The following KAZN variants were observed in gnomAD, a reference collection of about 807,000 sequenced individuals.
KAZN encodes kazrin.
Under a neutral mutation model 87.4 loss-of-function variants are expected in KAZN, and 40 were observed. The ratio of observed to expected loss-of-function variants is 0.46; its 90% confidence interval spans 0.36 to 0.60. The LOEUF is 0.60. Ranked by LOEUF, KAZN falls within the 20% of genes least tolerant of loss-of-function variation. The pLI is 0.00. For synonymous variants in KAZN, 466 were observed against 458.3 expected (o/e 1.02, Z -0.22); for missense variants, 898 against 1,073.9 (o/e 0.84, Z 2.29).
chr1:15,090,292 C>T (rs1470548989), intron 8 of KAZN, among the ~76,000 whole-genome samples: 1 of 152,194 alleles, frequency 6.6e-6, no homozygotes, highest in African/African-American at 2.4e-5. Context: ...AAGCACATAA[C>T]AGAGGTGAGA....
chr1:14,738,894 C>A (rs1472565526), intron 1 of KAZN, among the ~76,000 whole-genome samples: 2 of 152,152 alleles, frequency 1.3e-5, no homozygotes, highest in African/African-American at 4.8e-5. Context: ...CCCGTCTGGT[C>A]AAGTGCAATG....
At chr1:14,454,627 T>A (rs1157695121) in intron 2 of KAZN, among the ~76,000 whole-genome samples, 2 of 152,214 alleles carry the variant, frequency 1.3e-5, no homozygotes, top group Non-Finnish European at 2.9e-5. Flanking sequence ...CAGGAAATGT[T>A]ACTTGGCTGA....
intron 1 of KAZN, among the ~76,000 whole-genome samples, chr1:14,736,335 G>T (rs1311049824): frequency 7.1e-6 from 1 of 140,526 alleles, no homozygotes; most frequent in Non-Finnish European, 1.5e-5. Flanking sequence ...TTTTGCTCTT[G>T]TTGCCCAGGC....
chr1:14,046,046 A>G (rs1642055563), intron 1 of KAZN, among the ~76,000 whole-genome samples: 1 of 152,222 alleles, frequency 6.6e-6, no homozygotes, highest in Admixed American at 6.5e-5. Flanking sequence ...TCCTGCTTCT[A>G]GAGGAGCACT....
rs540228770 is a variant in KAZN at position 14,579,608 on chromosome 1, C to G, written c.250-19375C>G. Among the ~76,000 whole-genome samples, 257 of 148,136 alleles carry G rather than the reference C, an allele frequency of 1.7e-3. 1 individual carries two copies. Among genetic ancestry groups the G allele is most frequent in the African/African-American group, 6.2e-3 (248 of 40,048 alleles). ...CCACTGCACTGCAGCCTGGGCAACA[C>G]AGCGAGACTCCGTCTCAAAAAAAAA... is the stretch of plus-strand genomic sequence containing the variant. On this transcript the variant is annotated intron_variant, in intron 2 of 16. Coordinates refer to the KAZN transcript ENST00000636203.
intron 2 of KAZN, among the ~76,000 whole-genome samples, chr1:14,335,850 C>T (rs998350939): frequency 6.6e-6 from 1 of 152,304 alleles, no homozygotes; most frequent in East Asian, 1.9e-4. Flanking sequence ...GAAGCTCTCA[C>T]TTCTGTTTTG....
At chr1:14,221,011 C>T (rs369621351) in intron 2 of KAZN, among the ~76,000 whole-genome samples, 17 of 152,104 alleles carry the variant, frequency 1.1e-4, no homozygotes, top group African/African-American at 3.4e-4. Flanking sequence ...GACTTTGATG[C>T]GGGATGCTGG....
At position 14,825,020 on chromosome 1, in the gene KAZN, G is replaced by A. The variant is rs752038181; in HGVS notation, c.227-135664G>A. On this transcript the variant is annotated intron_variant, in intron 1 of 14. Transcript: ENST00000376030. ...TGAGCCCCAAATGCTGTTCCACAGC[G>A]AGGTGTGCTCACAGCGCATCCCCCT... Among the ~76,000 whole-genome samples the A allele has an allele frequency of 4.7e-4, 71 of 152,254 alleles. 1 individual carries two copies. Among genetic ancestry groups the A allele is most frequent in the Admixed American group, 5.9e-4 (9 of 15,290 alleles).
rs763231579 is a variant in KAZN, at chr1:14,258,637, T to C, written c.249+78045T>C. Among the ~76,000 whole-genome samples the C allele has an allele frequency of 2.0e-5, 3 of 152,324 alleles. No individual in the cohort carries two copies. The South Asian group carries it at 6.2e-4, about 32-fold the overall frequency. The stretch of plus-strand genomic sequence containing the variant: ...AACCAAATGCATTGGCGAGTTAAGC[T>C]GCTTTGCTTCAGAATATTAAATTCA... On this transcript the variant is annotated intron_variant, in intron 2 of 16. Coordinates refer to the KAZN transcript ENST00000636203.
At chr1:14,192,710 A>G (rs982219140) in intron 2 of KAZN, among the ~76,000 whole-genome samples, 1 of 152,174 alleles carries the variant, frequency 6.6e-6, no homozygotes, top group African/African-American at 2.4e-5. Context: ...ACCTCTACAA[A>G]ACACAGTTAT....
chr1:14,797,205 C>G (rs572593530), intron 1 of KAZN, among the ~76,000 whole-genome samples: 1 of 152,042 alleles, frequency 6.6e-6, no homozygotes, highest in Non-Finnish European at 1.5e-5. Flanking sequence ...GGCTTACAGG[C>G]GTGCACCACC....
intron 1 of KAZN, among the ~76,000 whole-genome samples, chr1:13,914,747 T>C (rs1036373738): frequency 3.3e-5 from 5 of 152,040 alleles, no homozygotes; most frequent in Admixed American, 6.5e-5. Flanking sequence ...GAAGGCCAAA[T>C]TGGGAGGATC....
At position 15,066,452 on chromosome 1, in the gene KAZN, C is replaced by A. The variant is rs898533810; in HGVS notation, c.1222+699C>A. The stretch of plus-strand genomic sequence containing the variant: ...GTAAGCTCTGCTCTCTACAAAGACT[C>A]GCGAGCCGGGCCAAGGGGCCTTGTC... On this transcript the variant is annotated intron_variant, in intron 8 of 14. Transcript: ENST00000376030. This position sits in a 1 kb window ranked among gnomAD's most constrained non-coding sequence, Gnocchi z 4.3. The A allele has an allele frequency of 7.1e-6, 7 of 985,270 alleles. No homozygotes were observed. In the South Asian group the frequency reaches 2.8e-4, roughly 40 times the overall value. 61.0% of individuals were successfully genotyped at this position (985,270 alleles called of 1,614,324 possible).
In KAZN at chr1:13,965,153, G is replaced by A. The variant is rs546815666; in HGVS notation, c.91+71397G>A. Among the ~76,000 whole-genome samples, 132 of 152,262 alleles carry A rather than the reference G, an allele frequency of 8.7e-4. 1 individual carries two copies. The highest frequency in any genetic ancestry group is 3.1e-3 in the African/African-American group (127 of 41,538). ...CCTTCCACCCTGAGTGACATGGAGG[G>A]GTGGGCGCTAGAGAGGTTTGGGCAG... On this transcript the variant is annotated intron_variant, in intron 1 of 16. Transcript: ENST00000636203.
At chr1:14,790,986 C>T (rs913159947) in intron 1 of KAZN, among the ~76,000 whole-genome samples, 2 of 150,790 alleles carry the variant, frequency 1.3e-5, no homozygotes, top group East Asian at 3.9e-4. Flanking sequence ...GCCACCGCAC[C>T]GGCCCCCGCT....
intron 2 of KAZN, among the ~76,000 whole-genome samples, chr1:14,284,450 G>A (rs910289279): frequency 2.6e-5 from 4 of 151,266 alleles, no homozygotes; most frequent in Non-Finnish European, 4.4e-5. Context: ...GGTGAGCCCC[G>A]GGTTCCAAAA....
chr1:15,012,535 C>T (rs936998896), intron 2 of KAZN, among the ~76,000 whole-genome samples: 1 of 152,188 alleles, frequency 6.6e-6, no homozygotes, highest in African/African-American at 2.4e-5. Flanking sequence ...CCAGTTTCTT[C>T]CAGGCCCTCA....
chr1:14,212,235 G>A (rs1401243788), intron 2 of KAZN, among the ~76,000 whole-genome samples: 1 of 152,112 alleles, frequency 6.6e-6, no homozygotes, highest in African/African-American at 2.4e-5. Context: ...ACTATTATTT[G>A]GAAATTAATG....
chr1:14,588,995 CAGAACACCAGAG>C (rs1301572276), intron 2 of KAZN, among the ~76,000 whole-genome samples: 1 of 152,128 alleles, frequency 6.6e-6, no homozygotes, highest in Non-Finnish European at 1.5e-5. Context: ...GGCACGGATG[CAGAACACCAGAG>C]CAGGCAAGGG....
Sources: gnomAD v4.1 joint callset for allele counts (sites outside exome capture counted in the v4.1 genomes callset) on GRCh38, gnomAD v4.1.1 for gene constraint, Gnocchi (gnomAD v3.1) non-coding constraint, MANE v1.5 for transcripts, NCBI Gene and HGNC (gene_info 2026-07-23, HGNC 2026-07-21) for gene names.